The following ST7 variants were observed in gnomAD, a reference collection of about 807,000 sequenced individuals.
ST7 encodes suppression of tumorigenicity 7.
In ST7, 28 loss-of-function variants were observed where a neutral mutation model predicts 78.7. The ratio of observed to expected loss-of-function variants is 0.36; its 90% CI spans 0.26 to 0.49. The LOEUF (loss-of-function observed/expected upper bound fraction) is 0.49, where lower values mean the gene tolerates loss of function less well. Among genes scored for constraint, ST7 ranks in the 20% least tolerant of loss-of-function variants. The pLI, the probability that ST7 is intolerant of heterozygous loss-of-function variation, is 0.99. For synonymous variants in ST7, 247 were observed against 249.6 expected (o/e 0.99, Z 0.10); for missense variants, 418 against 696.0 (o/e 0.60, Z 4.49).
At chr7:117,147,381 G>A (rs1584470040) in intron 9 of ST7, among the ~76,000 whole-genome samples, 1 of 152,042 alleles carries the variant, frequency 6.6e-6, no homozygotes, top group African/African-American at 2.4e-5. Flanking sequence ...CTTCAGAATG[G>A]CTGCCTATGA....
chr7:117,204,141 A>G (rs1791509674), intron 12 of ST7, among the ~76,000 whole-genome samples: 1 of 152,178 alleles, frequency 6.6e-6, no homozygotes, highest in Non-Finnish European at 1.5e-5. Context: ...CTACTACAAT[A>G]AAAGTGCTGA....
intron 2 of ST7, among the ~76,000 whole-genome samples, chr7:117,109,713 C>G (rs1021594767): frequency 5.9e-4 from 90 of 152,226 alleles, no homozygotes; most frequent in African/African-American, 2.2e-3. Context: ...CACCCTAATG[C>G]CCAAACCAGG....
intron 9 of ST7, among the ~76,000 whole-genome samples, chr7:117,143,433 A>AT (rs1805492256): frequency 6.6e-6 from 1 of 152,026 alleles, no homozygotes; most frequent in South Asian, 2.1e-4. Flanking sequence ...TCTTTGCGGG[A>AT]TTTTCCTCAT....
intron 1 of ST7, among the ~76,000 whole-genome samples, chr7:117,018,707 A>G (rs1795734624): frequency 6.6e-6 from 1 of 152,214 alleles, no homozygotes; most frequent in South Asian, 2.1e-4. Flanking sequence ...TCAAATGTGG[A>G]TAAAAGTGGT....
intron 1 of ST7, among the ~76,000 whole-genome samples, chr7:116,981,593 C>T (rs1201777391): frequency 1.3e-5 from 2 of 152,170 alleles, no homozygotes; most frequent in Non-Finnish European, 2.9e-5. Flanking sequence ...ATTCTATTCT[C>T]TTTTGTAGAT....
chr7:116,972,756 C>T lies in ST7; in HGVS notation c.151+19065C>T, dbSNP rs997663968. The T allele has an allele frequency of 4.3e-6, 4 of 928,104 alleles. No individual in the cohort carries two copies. In the African/African-American group the frequency reaches 4.8e-5, roughly 11 times the overall value. The allele number at this position is 928,104 out of a possible 1,614,324, so 57.5% of individuals were successfully genotyped here. ...CATGAACCAGCTGGATCCTACGGTT[C>T]AAGGAGGCCACCTCAGCCTCAGCCT... On this transcript the variant is annotated intron_variant, in intron 1 of 15. Transcript: ENST00000323984.
intron 1 of ST7, among the ~76,000 whole-genome samples, chr7:116,997,293 C>G (rs138525467): frequency 6.6e-6 from 1 of 152,168 alleles, no homozygotes; most frequent in Non-Finnish European, 1.5e-5. Context: ...ACTGCTGGCT[C>G]GGGCAGCCTA....
At chr7:117,120,395 C>T (rs1803272539) in intron 3 of ST7, among the ~76,000 whole-genome samples, 1 of 152,200 alleles carries the variant, frequency 6.6e-6, no homozygotes, top group Admixed American at 6.5e-5. Context: ...GATCACATCA[C>T]TCCTCTGCTT....
In ST7 at chr7:117,083,992, G is replaced by A. The variant is rs142323782; in HGVS notation, c.152-15770G>A. Among the ~76,000 whole-genome samples the A allele has an allele frequency of 2.5e-3, 385 of 152,270 alleles. 1 individual carries two copies. The highest frequency in any genetic ancestry group is 8.5e-3 in the African/African-American group (352 of 41,558). ...ATGTAGAGGACATAGGCATTTGGTA[G>A]AATATCATAGACATCCAAATACTTG... On this transcript the variant is annotated intron_variant, in intron 1 of 15. Transcript: ENST00000323984.
chr7:117,152,759 A>C (rs1269348885), intron 9 of ST7, among the ~76,000 whole-genome samples: 1 of 152,100 alleles, frequency 6.6e-6, no homozygotes, highest in African/African-American at 2.4e-5. Flanking sequence ...TTAATAAATA[A>C]CTCCATCTGG....
At chr7:116,967,305 G>A (rs775834871) in intron 1 of ST7, 3 of 471,134 alleles carry the variant, frequency 6.4e-6, no homozygotes, top group East Asian at 1.4e-4. Flanking sequence ...AGTGGTGGTG[G>A]CCATTAATGA....
chr7:117,055,565 G>C (rs1798019801), intron 1 of ST7, among the ~76,000 whole-genome samples: 2 of 152,082 alleles, frequency 1.3e-5, no homozygotes, highest in South Asian at 2.1e-4. Context: ...GCTGGACCCA[G>C]GATTTGCACT....
chr7:117,072,015 C>T (rs1318021347), intron 1 of ST7: 1 of 152,152 alleles, frequency 6.6e-6, no homozygotes, highest in Admixed American at 6.5e-5. Flanking sequence ...ATTTAATATA[C>T]TCAAATGATG....
At chr7:117,183,415 A>C (rs535804302) in intron 10 of ST7, among the ~76,000 whole-genome samples, 1 of 151,560 alleles carries the variant, frequency 6.6e-6, no homozygotes, top group East Asian at 1.9e-4. Context: ...ATAGAGCAAA[A>C]CTCTGTCTAA....
Position 117,219,251 on chromosome 7 carries a change from G to A in ST7, c.1498+75G>A, listed in dbSNP as rs1048761039. ...GATTGGAAGAGGTGGGAATATCAAAGTTTAGAATGCTCCTTGTCTTTTATT... is the reference window on the plus strand; with the variant it reads ...GATTGGAAGAGGTGGGAATATCAAAATTTAGAATGCTCCTTGTCTTTTATT... On this transcript the variant is annotated intron_variant, in intron 14 of 15. Coordinates refer to ENST00000323984, the MANE Select transcript of ST7 (RefSeq NM_001369598.1). This position sits in a 1 kb window ranked among gnomAD's most constrained non-coding sequence, Gnocchi z 5.1. The A allele has an allele frequency of 8.5e-7, 1 of 1,171,470 alleles. No homozygotes were observed. The highest frequency in any genetic ancestry group is 1.6e-5 in the African/African-American group (1 of 64,142). The allele number at this position is 1,171,470 out of a possible 1,614,324, so 72.6% of individuals were successfully genotyped here.
At chr7:117,058,724 T>G (rs1032925672) in intron 1 of ST7, among the ~76,000 whole-genome samples, 5 of 152,168 alleles carry the variant, frequency 3.3e-5, no homozygotes, top group Admixed American at 2.6e-4. Flanking sequence ...ATCAAAGAAA[T>G]AGCAGATATA....
At chr7:117,125,280 A>G (rs2116982181) in intron 3 of ST7, among the ~76,000 whole-genome samples, 1 of 152,250 alleles carries the variant, frequency 6.6e-6, no homozygotes, top group African/African-American at 2.4e-5. Flanking sequence ...ACTTAGGTGA[A>G]AAATGACCAA....
chr7:117,054,435 C>T (rs936367282), intron 1 of ST7, among the ~76,000 whole-genome samples: 3 of 152,184 alleles, frequency 2.0e-5, no homozygotes, highest in Non-Finnish European at 4.4e-5. Context: ...TGACACAATG[C>T]GTCGCACATG....
At chr7:117,084,357 G>A (rs998532822) in intron 1 of ST7, among the ~76,000 whole-genome samples, 60 of 152,122 alleles carry the variant, frequency 3.9e-4, no homozygotes, top group African/African-American at 1.4e-3. Flanking sequence ...AGGAAGATTG[G>A]ACCACTGAGG....
Sources: allele counts gnomAD v4.1 joint callset (sites outside exome capture counted in the v4.1 genomes callset), GRCh38; gene constraint gnomAD v4.1.1; non-coding constraint Gnocchi (gnomAD v3.1); transcripts MANE v1.5; gene names NCBI Gene and HGNC (gene_info 2026-07-23, HGNC 2026-07-21).